The following ANK1 variants were observed in gnomAD, a reference collection of about 807,000 sequenced individuals.
ANK1 encodes the protein ankyrin 1, also known as ankyrin-1.
A neutral mutation model predicts 210.4 loss-of-function variants in ANK1; 51 were observed. The ratio of observed to expected loss-of-function variants is 0.24; its 90% CI spans 0.19 to 0.31. The LOEUF is 0.31. Ranked by LOEUF, ANK1 falls within the 10% of genes least tolerant of loss-of-function variation. The pLI is 1.00. For synonymous variants in ANK1, 967 were observed against 1,025.9 expected, an observed-to-expected ratio of 0.94 and a Z score of 1.10; for missense variants, 2,051 against 2,504.4, an observed-to-expected ratio of 0.82 and a Z score of 3.86.
rs369712760 is a variant in ANK1 at position 41,891,725 on chromosome 8, C to T, written c.126+4630G>A. Among the ~76,000 whole-genome samples, 7 of 152,284 alleles carry T rather than the reference C, an allele frequency of 4.6e-5. No homozygotes were observed. In the South Asian group the frequency reaches 1.2e-3, roughly 27 times the overall value. On this transcript the variant is annotated intron_variant, in intron 1 of 42. Coordinates refer to the ANK1 transcript ENST00000265709. ...AAATTCCCACATCTTCAGCCCCTGC[C>T]GGCGCCTCCCAGAGCTCCAGAGAGG...
At chr8:41,885,892 A>T (rs1818368346) in intron 1 of ANK1, among the ~76,000 whole-genome samples, 1 of 152,188 alleles carries the variant, frequency 6.6e-6, no homozygotes. Flanking sequence ...TCAGGTTCAC[A>T]TTTCTCCAAA....
chr8:41,813,033 G>A (rs1414944269), intron 1 of ANK1, among the ~76,000 whole-genome samples: 10 of 152,142 alleles, frequency 6.6e-5, no homozygotes, highest in Admixed American at 3.9e-4. Context: ...CCACCAAAGC[G>A]TCATTTCTAT....
chr8:41,858,994 C>T (rs1460811279), intron 1 of ANK1, among the ~76,000 whole-genome samples: 2 of 152,218 alleles, frequency 1.3e-5, no homozygotes, highest in Non-Finnish European at 2.9e-5. Flanking sequence ...CGGCGCCCAG[C>T]CTCCCAGGAC....
rs377706260 is a variant in ANK1 at position 41,696,351 on chromosome 8, G to A, written c.2960+12C>T. ...GGACAGGGGAGAACACGGGCTGCCC[G>A]CGCAAGCTCACCTCAGGAACTGTGC... is the stretch of plus-strand genomic sequence containing the variant. On this transcript the variant is annotated intron_variant, in intron 26 of 42. Transcript: ENST00000289734. 47 of 1,612,564 alleles carry A rather than the reference G, an allele frequency of 2.9e-5. No individual in the cohort carries two copies. The highest frequency in any genetic ancestry group is 5.5e-5 in the South Asian group (5 of 91,072).
chr8:41,828,190 A>G (rs141373084), intron 1 of ANK1: 13 of 152,390 alleles, frequency 8.5e-5, no homozygotes, highest in African/African-American at 2.9e-4. Context: ...TTAATTTCCT[A>G]TGAAAGGCTG....
chr8:41,698,253 A>AG, intron 23 of ANK1, 132 bp from the exon 24 acceptor site: 1 of 851,390 alleles, frequency 1.2e-6, no homozygotes. Context: ...ACCTGGTGGA[A>AG]GGACCGCCTC....
At chr8:41,760,388 G>A (rs1213487605) in intron 1 of ANK1, among the ~76,000 whole-genome samples, 2 of 152,166 alleles carry the variant, frequency 1.3e-5, no homozygotes, top group Non-Finnish European at 2.9e-5. Flanking sequence ...CTTGCCTGCT[G>A]CCATGTAAGA....
chr8:41,674,622 T>C (rs2150565874), intron 37 of ANK1, among the ~76,000 whole-genome samples: 1 of 152,316 alleles, frequency 6.6e-6, no homozygotes, highest in South Asian at 2.1e-4. Context: ...GGAACTGCAA[T>C]TGCTAACATG....
Position 41,708,789 on chromosome 8 carries a change from G to A in ANK1, c.1987C>T (p.Leu663=), listed in dbSNP as rs773211248. ...GACACCATGCCTACCTTGTTCCCCA[G>A]GTTGCCATTGGCTTGTTTCGAGAGC... ...LLLSKQANGN[L]GNKSGLTPLH... is the part of the protein sequence containing the mutation. The change falls in exon 17 of 43, where the codon CTG becomes TTG. Residue 663 remains leucine, a synonymous_variant. Transcript: ENST00000289734. 1 of 1,613,954 alleles carries A rather than the reference G, an allele frequency of 6.2e-7. No individual in the cohort carries two copies. Among genetic ancestry groups the A allele is most frequent in the Non-Finnish European group, 8.5e-7 (1 of 1,180,038 alleles).
At chr8:41,741,925 T>G (rs1190980615) in intron 2 of ANK1, among the ~76,000 whole-genome samples, 1 of 152,232 alleles carries the variant, frequency 6.6e-6, no homozygotes, top group Non-Finnish European at 1.5e-5. Context: ...AAGGCTCTTT[T>G]TGGCAAAAAT....
intron 2 of ANK1, among the ~76,000 whole-genome samples, chr8:41,757,000 A>C (rs758625567): frequency 2.6e-5 from 4 of 152,186 alleles, no homozygotes; most frequent in Non-Finnish European, 5.9e-5. Flanking sequence ...ATTCGTAGAG[A>C]CTGGAAGTTG....
chr8:41,672,909 T>G lies in ANK1; in HGVS notation c.4541A>C (p.Tyr1514Ser), dbSNP rs755637526. 68 of 1,598,918 alleles carry G rather than the reference T, an allele frequency of 4.3e-5. No homozygotes were observed. The highest frequency in any genetic ancestry group is 5.8e-5 in the Non-Finnish European group (68 of 1,179,230). The change falls in exon 38 of 43, where the codon TAC becomes TCC. Residue 1514 changes from tyrosine (Y) to serine (S), a missense_variant. Physicochemically the swap from Tyr to Ser is moderately radical, Grantham distance 144. Transcript: ENST00000289734. Reference sequence around the variant, plus strand: ...CAGCAGCTCGTCCTGCAGTGAGGAGTAACCTGGATGGGCAGACAGAGGGCA... The same window carrying G: ...CAGCAGCTCGTCCTGCAGTGAGGAGGAACCTGGATGGGCAGACAGAGGGCA... ...YSLSPSQMNGYSSLQDELLSP... is the reference protein window; with the variant it reads ...YSLSPSQMNGSSSLQDELLSP...
rs748160803 is a variant in ANK1, at chr8:41,688,558, G to A, written c.4136C>T (p.Pro1379Leu). The change falls in exon 34 of 43, where the codon CCG becomes CTG. Residue 1379 changes from proline (P) to leucine (L), a missense_variant. Physicochemically the swap from Pro to Leu is moderately conservative, Grantham distance 98. Transcript: ENST00000289734. ...GCTGTATCGCAGGGCCAGGGGCGTC[G>A]GGGTCCTTCTCCTATCTTCGGCTCC... ...GSGAEDRRRT[P>L]TPLALRYSIL... The A allele has an allele frequency of 2.0e-5, 32 of 1,614,008 alleles. No homozygotes were observed. Among genetic ancestry groups the A allele is most frequent in the African/African-American group, 1.6e-4 (12 of 74,902 alleles).
At chr8:41,789,895 G>A (rs925687233) in intron 1 of ANK1, among the ~76,000 whole-genome samples, 5 of 152,194 alleles carry the variant, frequency 3.3e-5, no homozygotes, top group Admixed American at 3.3e-4. Context: ...CCACACACAA[G>A]GTTTGAAAAG....
At chr8:41,695,726 C>T (rs763244015) in intron 26 of ANK1, among the ~76,000 whole-genome samples, 4 of 152,372 alleles carry the variant, frequency 2.6e-5, no homozygotes, top group Admixed American at 6.5e-5. Context: ...GAAACGTCAA[C>T]GAGAAAACTT....
Position 41,727,831 on chromosome 8 carries a change from G to A in ANK1, c.327+77C>T, listed in dbSNP as rs190074431. The A allele has an allele frequency of 3.5e-4, 479 of 1,386,270 alleles. 1 individual carries two copies. The African/African-American group carries it at 6.0e-3, about 17-fold the overall frequency. 85.9% of individuals were successfully genotyped at this position (1,386,270 alleles called of 1,614,324 possible). A position where few individuals can be genotyped will look rare whatever the true frequency, so the allele number is the denominator to read the frequency against. On this transcript the variant is annotated intron_variant, in intron 4 of 42. Transcript: ENST00000289734. ...TGTGTGTGTTAACACGGCTGCCAAT[G>A]GACCCACGAGGGAGCAGCAAAGAGG...
At chr8:41,828,781 A>C (rs952667230) in intron 1 of ANK1, 1 of 152,260 alleles carries the variant, frequency 6.6e-6, no homozygotes, top group Non-Finnish European at 1.5e-5. Context: ...GGGGAGCTAC[A>C]TTTCATTTTC....
exon 1 of ANK1, chr8:41,896,625 G>A (rs958954199): frequency 4.2e-6 from 5 of 1,187,998 alleles, no homozygotes; most frequent in Admixed American, 8.3e-5. Flanking sequence ...GCTGCTGCGG[G>A]GTCGCGGGAA....
intron 1 of ANK1, among the ~76,000 whole-genome samples, chr8:41,895,482 G>A (rs1820302335): frequency 6.6e-6 from 1 of 152,186 alleles, no homozygotes; most frequent in Non-Finnish European, 1.5e-5. Flanking sequence ...AGGGGTAAGA[G>A]GACCCCAGAC....
Sources: gnomAD v4.1 joint callset for allele counts (sites outside exome capture counted in the v4.1 genomes callset) on GRCh38, gnomAD v4.1.1 for gene constraint, MANE v1.5 for transcripts, NCBI Gene and HGNC (gene_info 2026-07-23, HGNC 2026-07-21) for gene names.